CNKSR3: variants seen among roughly 807,000 people sequenced by gnomAD.
The protein encoded by CNKSR3 is connector enhancer of kinase suppressor of ras 3.
In CNKSR3, 36 loss-of-function variants were observed where a neutral mutation model predicts 67.7. The observed-to-expected ratio is 0.53, with a 90% CI of 0.41 to 0.70. The LOEUF is 0.70. CNKSR3 is among the 30% of genes least tolerant of loss of function. The probability of loss-of-function intolerance (pLI) is 0.00; values close to 1 mark genes in which losing one functional copy is unlikely to be tolerated. For synonymous variants in CNKSR3, 281 were observed against 271.4 expected (o/e 1.04, Z -0.35); for missense variants, 630 against 695.2 (o/e 0.91, Z 1.05).
chr6:154,495,963 A>G (rs1040193144), intron 1 of CNKSR3, among the ~76,000 whole-genome samples: 2 of 152,118 alleles, frequency 1.3e-5, no homozygotes, highest in Non-Finnish European at 2.9e-5. Context: ...GCTCTGTATT[A>G]TATCTCTATT....
chr6:154,486,969 C>T (rs905169074), intron 1 of CNKSR3, among the ~76,000 whole-genome samples: 1 of 152,066 alleles, frequency 6.6e-6, no homozygotes, highest in African/African-American at 2.4e-5. Context: ...CTGTGCCCAG[C>T]CTTCTCCTCT....
chr6:154,473,219 C>A (rs1562348882), intron 1 of CNKSR3, among the ~76,000 whole-genome samples: 1 of 152,140 alleles, frequency 6.6e-6, no homozygotes, highest in Non-Finnish European at 1.5e-5. Context: ...TAGACAAGTG[C>A]CAGAGAGCAC....
At chr6:154,441,267 A>G (rs753124089) in intron 4 of CNKSR3, 25 bp downstream of exon 4, 27 of 1,336,790 alleles carry the variant, frequency 2.0e-5, no homozygotes, top group Non-Finnish European at 2.7e-5. Context: ...AAAAAAAAAG[A>G]AAGTGAAAAT....
At chr6:154,451,156 G>T (rs114424758) in intron 1 of CNKSR3, among the ~76,000 whole-genome samples, 1 of 152,158 alleles carries the variant, frequency 6.6e-6, no homozygotes, top group South Asian at 2.1e-4. Flanking sequence ...ATTTTTCCAG[G>T]TCAAACACTA....
At chr6:154,422,681 A>C (rs1169602344) in intron 8 of CNKSR3, 29 bp from the exon 9 acceptor site, 5 of 1,611,008 alleles carry the variant, frequency 3.1e-6, no homozygotes, top group Non-Finnish European at 4.2e-6. Context: ...GGGAGGGAAG[A>C]CTTGCTCATG....
intron 2 of CNKSR3, among the ~76,000 whole-genome samples, chr6:154,446,047 T>C (rs1394131388): frequency 2.0e-5 from 3 of 152,138 alleles, no homozygotes; most frequent in African/African-American, 7.2e-5. Context: ...CCCCAAAACT[T>C]GTCTCCTTCA....
Position 154,391,647 on chromosome 6 carries a change from G to A in CNKSR3, c.*14707C>T, listed in dbSNP as rs1311630758. On this transcript the variant is annotated 3_prime_UTR_variant, in exon 13 of 13. Transcript: ENST00000607772. ...CGTAATTTAGTTCATGCCATTTTGT[G>A]TCACTTTGTGTCTTCTTTTGCTTCC... 6.6e-6 allele frequency: 1 copy of A among 152,200 alleles called. No homozygotes were observed. Among genetic ancestry groups the A allele is most frequent in the East Asian group, 1.9e-4 (1 of 5,194 alleles). The allele number at this position is 152,200 out of a possible 1,614,324, so 9.4% of individuals were successfully genotyped here.
chr6:154,475,697 G>A (rs1174015399), intron 1 of CNKSR3, among the ~76,000 whole-genome samples: 1 of 152,190 alleles, frequency 6.6e-6, no homozygotes, highest in Non-Finnish European at 1.5e-5. Flanking sequence ...CCTTCCTGGG[G>A]CGGAGCCACC....
intron 9 of CNKSR3, among the ~76,000 whole-genome samples, chr6:154,415,417 G>A (rs2128712485): frequency 6.6e-6 from 1 of 152,066 alleles, no homozygotes; most frequent in South Asian, 2.1e-4. Context: ...GTTTAGTAGA[G>A]ATGGCGTTTT....
chr6:154,397,357 CA>C lies in CNKSR3; in HGVS notation c.*8996del, dbSNP rs1784671783. The C allele has an allele frequency of 6.6e-6, 1 of 152,168 alleles. No homozygotes were observed. Among genetic ancestry groups the C allele is most frequent in the Non-Finnish European group, 1.5e-5 (1 of 68,040 alleles). 9.4% of individuals were successfully genotyped at this position (152,168 alleles called of 1,614,324 possible). ...AGTGCCTTAAAAACAAAAGGAGAAG[CA>C]AAACCCTGAAAGATCTTGGTTTAAT... On this transcript the variant is annotated 3_prime_UTR_variant, in exon 13 of 13. Coordinates refer to ENST00000607772, the MANE Select transcript of CNKSR3 (RefSeq NM_173515.4).
Position 154,424,523 on chromosome 6 carries a change from G to T in CNKSR3, c.730-1540C>A, listed in dbSNP as rs1045991191. On this transcript the variant is annotated intron_variant, in intron 7 of 12. Transcript: ENST00000607772. ...TAGCACCTTTGAACACAGGGAGAGG[G>T]ACAGCAATGAGACCCAAGACACACT... 2.3e-4 allele frequency among the ~76,000 whole-genome samples: 35 copies of T among 152,146 alleles called. 1 individual carries two copies. Among genetic ancestry groups the T allele is most frequent in the Admixed American group, 9.8e-4 (15 of 15,274 alleles).
intron 2 of CNKSR3, among the ~76,000 whole-genome samples, chr6:154,449,697 G>A (rs1785782206): frequency 1.3e-5 from 2 of 152,162 alleles, no homozygotes; most frequent in African/African-American, 4.8e-5. Flanking sequence ...CTAATACAGA[G>A]ATTTTCTGAA....
In CNKSR3 at chr6:154,402,316, C is replaced by G. The variant is rs750358046; in HGVS notation, c.*4038G>C. 17 of 152,148 alleles carry G rather than the reference C, an allele frequency of 1.1e-4. No homozygotes were observed. Among genetic ancestry groups the G allele is most frequent in the Non-Finnish European group, 1.6e-4 (11 of 68,032 alleles). The allele number at this position is 152,148 out of a possible 1,614,324, so 9.4% of individuals were successfully genotyped here. A position where few individuals can be genotyped will look rare whatever the true frequency, so the allele number is the denominator to read the frequency against. On this transcript the variant is annotated 3_prime_UTR_variant, in exon 13 of 13. Coordinates refer to ENST00000607772, the MANE Select transcript of CNKSR3 (RefSeq NM_173515.4). ...TCAACACAACTTTCAATTGCCCCGCCCAATATTCATATAGATGGGAACTCA... is the reference window on the plus strand; with the variant it reads ...TCAACACAACTTTCAATTGCCCCGCGCAATATTCATATAGATGGGAACTCA...
intron 4 of CNKSR3, among the ~76,000 whole-genome samples, chr6:154,440,480 T>C (rs1785558487): frequency 6.6e-6 from 1 of 152,238 alleles, no homozygotes; most frequent in South Asian, 2.1e-4. Context: ...CAGAAGGTAG[T>C]CCTAAGAGCT....
chr6:154,420,298 G>T (rs1289934625), intron 9 of CNKSR3, among the ~76,000 whole-genome samples: 1 of 151,848 alleles, frequency 6.6e-6, no homozygotes, highest in African/African-American at 2.4e-5. Flanking sequence ...AGAAGGAAGG[G>T]GATTGGGGAA....
chr6:154,448,937 T>G (rs957895160), intron 2 of CNKSR3, among the ~76,000 whole-genome samples: 4 of 152,218 alleles, frequency 2.6e-5, no homozygotes, highest in African/African-American at 9.6e-5. Context: ...CCAGCCTGAA[T>G]GCTGTCGAGT....
In CNKSR3 at chr6:154,450,076, C is replaced by T. The variant is rs750286523; in HGVS notation, c.216+19G>A. Reference sequence around the variant, plus strand: ...TAAAGAACGTCATCACGGTACAGACCGTCTTTTCCTGAACTAACCAGTGCA... The same window carrying T: ...TAAAGAACGTCATCACGGTACAGACTGTCTTTTCCTGAACTAACCAGTGCA... On this transcript the variant is annotated intron_variant, in intron 2 of 12. Transcript: ENST00000607772. 4.3e-5 allele frequency: 70 copies of T among 1,610,672 alleles called. No individual in the cohort carries two copies. The Admixed American group carries it at 1.1e-3, about 25-fold the overall frequency.
Position 154,450,154 on chromosome 6 carries a change from C to A in CNKSR3, c.157G>T (p.Val53Phe). 5.6e-6 allele frequency: 9 copies of A among 1,613,726 alleles called. No homozygotes were observed. Among genetic ancestry groups the A allele is most frequent in the Non-Finnish European group, 7.6e-6 (9 of 1,179,648 alleles). ...ISHQDLEELGVTRIGHQELVL... is the reference protein window; with the variant it reads ...ISHQDLEELGFTRIGHQELVL... Reference sequence around the variant, plus strand: ...AGCTCCTGGTGTCCAATCCGTGTGACCCCCAGCTCCTCCAGGTCCTGATGG... The same window carrying A: ...AGCTCCTGGTGTCCAATCCGTGTGAACCCCAGCTCCTCCAGGTCCTGATGG... The change falls in exon 2 of 13, where the codon GTC (valine) becomes TTC (phenylalanine). Residue 53 changes from valine (V) to phenylalanine (F), a missense_variant. Val to Phe is a conservative substitution (Grantham distance 50, BLOSUM62 -1). Coordinates refer to ENST00000607772, the MANE Select transcript of CNKSR3 (RefSeq NM_173515.4).
intron 9 of CNKSR3, among the ~76,000 whole-genome samples, chr6:154,421,069 A>G (rs1785134493): frequency 6.6e-6 from 1 of 152,156 alleles, no homozygotes. Flanking sequence ...GCTGAAGTGT[A>G]GTGCCGCGAT....
Sources: gnomAD v4.1 joint callset for allele counts (sites outside exome capture counted in the v4.1 genomes callset) on GRCh38, gnomAD v4.1.1 for gene constraint, MANE v1.5 for transcripts, NCBI Gene and HGNC (gene_info 2026-07-23, HGNC 2026-07-21) for gene names.